The following CALU variants were observed in gnomAD, a reference collection of about 807,000 sequenced individuals.
CALU encodes calumenin, also known as IEF SSP 9302.
Under a neutral mutation model 37.5 loss-of-function variants are expected in CALU, and 13 were observed. The ratio of observed to expected loss-of-function variants is 0.35; its 90% CI spans 0.23 to 0.55. CALU has a LOEUF of 0.55. Among genes scored for constraint, CALU ranks in the 20% least tolerant of loss-of-function variants. The pLI, the probability that CALU is intolerant of heterozygous loss-of-function variation, is 0.89. For missense variants in CALU, 282 were observed against 391.7 expected, an observed-to-expected ratio of 0.72 and a Z score of 2.36; for synonymous variants, 114 against 133.8, an observed-to-expected ratio of 0.85 and a Z score of 1.02.
rs1378364993 is a variant in CALU at position 128,772,048 on chromosome 7, C to T, written c.*2881C>T. 6.7e-6 allele frequency among the ~76,000 whole-genome samples: 1 copy of T among 149,354 alleles called. No homozygotes were observed. Among genetic ancestry groups the T allele is most frequent in the African/African-American group, 2.5e-5 (1 of 40,332 alleles). On this transcript the variant is annotated 3_prime_UTR_variant, in exon 7 of 7. Transcript: ENST00000249364. ...GTTCTTTCAAACTCATATTTGGGGC[C>T]ACTGAGTTTTTTTTGTTTTTTTTTT... is the stretch of plus-strand genomic sequence containing the variant.
At chr7:128,761,494 G>A (rs1301038456) in intron 5 of CALU, 1 of 152,168 alleles carries the variant, frequency 6.6e-6, no homozygotes, top group Non-Finnish European at 1.5e-5. Flanking sequence ...GAACCGGCCC[G>A]GGACAGAATC....
At position 128,770,576 on chromosome 7, in the gene CALU, C is replaced by CAAAA. The variant is rs35355395; in HGVS notation, c.*1421_*1424dup. 6 of 122,538 alleles carry CAAAA rather than the reference C, an allele frequency of 4.9e-5. No individual in the cohort carries two copies. The highest frequency in any genetic ancestry group is 1.9e-4 in the African/African-American group (6 of 31,212). The allele number at this position is 122,538 out of a possible 1,614,324, so 7.6% of individuals were successfully genotyped here. On this transcript the variant is annotated 3_prime_UTR_variant, in exon 7 of 7. Coordinates refer to ENST00000249364, the MANE Select transcript of CALU (RefSeq NM_001219.5). ...CCTCCTCTTTCCCTCTCCCCGCTGC[C>CAAAA]AAAAAAAAAAAAAAAGGAAACGTTT...
At chr7:128,766,115 G>C (rs1183242754) in intron 5 of CALU, among the ~76,000 whole-genome samples, 1 of 151,900 alleles carries the variant, frequency 6.6e-6, no homozygotes, top group African/African-American at 2.4e-5. Context: ...GGGCCAGCAC[G>C]CCCGGCTAAT....
chr7:128,739,696 G>A (rs1284338607), intron 1 of CALU, among the ~76,000 whole-genome samples: 3 of 152,124 alleles, frequency 2.0e-5, no homozygotes, highest in Non-Finnish European at 4.4e-5. Flanking sequence ...GTACTGTTCT[G>A]TGCCTGGTTT....
In CALU at chr7:128,771,188, CTTATGTTAAAA is replaced by C. The variant is rs998696276; in HGVS notation, c.*2023_*2033del. On this transcript the variant is annotated 3_prime_UTR_variant, in exon 7 of 7. Transcript: ENST00000249364. ...CTCACTAGGTGCAGAGAGCCCAGGC[CTTATGTTAAAA>C]TCATGCACTTGAAAAGCAAACCTTA... 3 of 152,386 alleles carry C rather than the reference CTTATGTTAAAA, an allele frequency of 2.0e-5. No homozygotes were observed. Among genetic ancestry groups the C allele is most frequent in the Admixed American group, 2.0e-4 (3 of 15,268 alleles). The allele number at this position is 152,386 out of a possible 1,614,324, so 9.4% of individuals were successfully genotyped here. A position where few individuals can be genotyped will look rare whatever the true frequency, so the allele number is the denominator to read the frequency against.
At position 128,754,372 on chromosome 7, in the gene CALU, G is replaced by A. The variant is rs569487134; in HGVS notation, c.332G>A (p.Arg111Gln). The A allele has an allele frequency of 5.0e-6, 8 of 1,614,148 alleles. No homozygotes were observed. Among genetic ancestry groups the A allele is most frequent in the Admixed American group, 3.3e-5 (2 of 60,018 alleles). ...CGCTGGATTTACGAGGATGTAGAGC[G>A]ACAGTGGAAGGGGCATGACCTCAAT... ...QKRWIYEDVERQWKGHDLNED... is the reference protein window; with the variant it reads ...QKRWIYEDVEQQWKGHDLNED... The change falls in exon 3 of 7, where the codon CGA (arginine) becomes CAA (glutamine). Residue 111 changes from arginine (R) to glutamine (Q), a missense_variant. Physicochemically the swap from Arg to Gln is conservative, Grantham distance 43 (BLOSUM62 1). Transcript: ENST00000249364.
At chr7:128,743,476 C>CT (rs895070178) in intron 1 of CALU, among the ~76,000 whole-genome samples, 6 of 150,892 alleles carry the variant, frequency 4.0e-5, no homozygotes, top group African/African-American at 9.7e-5. Flanking sequence ...TTCCTCTAAA[C>CT]TTTTTTTTTA....
Position 128,772,737 on chromosome 7 carries a change from C to T in CALU, c.*3570C>T. ...AAAAAAGACCTTATTCTCTGTATCA[C>T]CAAAGCCTTGCACAATGCTTTGTAC... On this transcript the variant is annotated 3_prime_UTR_variant, in exon 7 of 7. Transcript: ENST00000249364. 4 of 1,588,920 alleles carry T rather than the reference C, an allele frequency of 2.5e-6. No homozygotes were observed. In the South Asian group the frequency reaches 3.3e-5, roughly 13 times the overall value.
Position 128,772,788 on chromosome 7 carries a change from A to T in CALU, c.*3621A>T, listed in dbSNP as rs1801641486. On this transcript the variant is annotated 3_prime_UTR_variant, in exon 7 of 7. Coordinates refer to ENST00000249364, the MANE Select transcript of CALU (RefSeq NM_001219.5). ...CCAGAATGCCCTTAGGTGGTTTTGA[A>T]TCTATCTTCCCCATCCTGAAAACTA... 2 of 1,227,362 alleles carry T rather than the reference A, an allele frequency of 1.6e-6. No homozygotes were observed. The highest frequency in any genetic ancestry group is 1.3e-5 in the South Asian group (1 of 78,962). The allele number at this position is 1,227,362 out of a possible 1,614,324, so 76.0% of individuals were successfully genotyped here.
At chr7:128,745,410 A>G (rs748970841) in intron 1 of CALU, among the ~76,000 whole-genome samples, 13 of 151,688 alleles carry the variant, frequency 8.6e-5, no homozygotes, top group Non-Finnish European at 1.6e-4. Context: ...GCTTGAGACC[A>G]GTCTGGGCAA....
rs546556903 is a variant in CALU, at chr7:128,764,296, A to G, written c.644-3160A>G. Among the ~76,000 whole-genome samples, 225 of 152,132 alleles carry G rather than the reference A, an allele frequency of 1.5e-3. 5 individuals carry two copies. In the South Asian group the frequency reaches 0.045, roughly 30 times the overall value. On this transcript the variant is annotated intron_variant, in intron 5 of 6. Transcript: ENST00000249364. ...TACAAAAAAAAAGAAAAAATTAGCCAGGCATGGTGGCGTGTGCCTGTAGTC... is the reference window on the plus strand; with the variant it reads ...TACAAAAAAAAAGAAAAAATTAGCCGGGCATGGTGGCGTGTGCCTGTAGTC...
At position 128,773,184 on chromosome 7, in the gene CALU, A is replaced by G. The variant is rs1002973888; in HGVS notation, c.*4017A>G. On this transcript the variant is annotated 3_prime_UTR_variant, in exon 7 of 7. Transcript: ENST00000249364. ...GCATGTGGTATGATTTCTGTGCTTC[A>G]CACATGCTCGTGCAGGCTAAAAGTT... 9.9e-5 allele frequency among the ~76,000 whole-genome samples: 15 copies of G among 152,224 alleles called. No individual in the cohort carries two copies. The highest frequency in any genetic ancestry group is 2.9e-4 in the African/African-American group (12 of 41,454).
At chr7:128,760,870 T>C (rs1801086709) in intron 5 of CALU, among the ~76,000 whole-genome samples, 1 of 152,136 alleles carries the variant, frequency 6.6e-6, no homozygotes, top group Non-Finnish European at 1.5e-5. Flanking sequence ...ATCATGCCAC[T>C]GCACTCCAGC....
intron 3 of CALU, chr7:128,754,810 C>CT: frequency 1.4e-6 from 1 of 699,346 alleles, no homozygotes; most frequent in Non-Finnish European, 2.3e-6. Flanking sequence ...GGAAGCTTAT[C>CT]TTAAATAGTT....
chr7:128,763,465 AG>A (rs1280199084), intron 5 of CALU, among the ~76,000 whole-genome samples: 2 of 152,186 alleles, frequency 1.3e-5, no homozygotes, highest in African/African-American at 2.4e-5. Flanking sequence ...CAGGAGGCGG[AG>A]GTTGCAGTGA....
chr7:128,744,459 A>G (rs553613158), intron 1 of CALU, among the ~76,000 whole-genome samples: 2 of 152,066 alleles, frequency 1.3e-5, no homozygotes, highest in African/African-American at 2.4e-5. Context: ...TAAAGTTTCT[A>G]ATAGCCAGGA....
At chr7:128,758,844 G>A (rs1800988900) in intron 3 of CALU, 27 bp from the exon 4 acceptor site, 2 of 1,542,978 alleles carry the variant, frequency 1.3e-6, no homozygotes, top group South Asian at 2.3e-5. Context: ...AGTCTTTTAA[G>A]ATTTGACCTA....
rs1801373880 is a variant in CALU, at chr7:128,767,326, C to T, written c.644-130C>T. On this transcript the variant is annotated intron_variant, in intron 5 of 6. Coordinates refer to ENST00000249364, the MANE Select transcript of CALU (RefSeq NM_001219.5). ...CCTTGCTTTCTAAGGTCTGTCTGGC[C>T]TAAAATACCCTTGTAGCTGCTGTTG... is the stretch of plus-strand genomic sequence containing the variant. The T allele has an allele frequency of 5.6e-6, 4 of 717,744 alleles. No homozygotes were observed. In the South Asian group the frequency reaches 6.4e-5, roughly 12 times the overall value. 44.5% of individuals were successfully genotyped at this position (717,744 alleles called of 1,614,324 possible).
In CALU at chr7:128,767,605, C is replaced by A. The variant is rs753393424; in HGVS notation, c.793C>A (p.His265Asn). 1.2e-6 allele frequency: 2 copies of A among 1,614,160 alleles called. No individual in the cohort carries two copies. The highest frequency in any genetic ancestry group is 1.1e-5 in the South Asian group (1 of 91,082). ...KDWILPSDYD[H>N]AEAEARHLVY... is the part of the protein sequence containing the mutation. ...CTGGATCCTTCCCTCAGACTATGAT[C>A]ATGCAGAGGCAGAAGCCAGGCACCT... Residue 265 changes from histidine to asparagine, a missense_variant, in exon 6 of 7, where the codon CAT becomes AAT. Transcript: ENST00000249364.
Sources: allele counts gnomAD v4.1 joint callset (sites outside exome capture counted in the v4.1 genomes callset), GRCh38; gene constraint gnomAD v4.1.1; transcripts MANE v1.5; gene names NCBI Gene and HGNC (gene_info 2026-07-23, HGNC 2026-07-21).